The following MECR variants were observed in gnomAD, a reference collection of about 807,000 sequenced individuals.
MECR encodes enoyl-[acyl-carrier-protein] reductase, mitochondrial.
A neutral mutation model predicts 49.1 loss-of-function variants in MECR; 37 were observed. The ratio of observed to expected loss-of-function variants is 0.75; its 90% CI spans 0.58 to 0.99. The LOEUF (loss-of-function observed/expected upper bound fraction) is 0.99, where lower values mean the gene tolerates loss of function less well. Among genes scored for constraint, MECR ranks in the 50% least tolerant of loss-of-function variants. MECR has a pLI of 0.00. For synonymous variants in MECR, 198 were observed against 191.1 expected (o/e 1.04, Z -0.30); for missense variants, 470 against 479.6 (o/e 0.98, Z 0.19).
Position 29,201,601 on chromosome 1 carries a change from A to G in MECR, c.756+342T>C. 2.2e-6 allele frequency: 1 copy of G among 460,694 alleles called. No homozygotes were observed. Among genetic ancestry groups the G allele is most frequent in the East Asian group, 5.3e-5 (1 of 18,782 alleles). The allele number at this position is 460,694 out of a possible 1,614,324, so 28.5% of individuals were successfully genotyped here. A position where few individuals can be genotyped will look rare whatever the true frequency, so the allele number is the denominator to read the frequency against. The stretch of plus-strand genomic sequence containing the variant: ...GTAAGGCAGGTGGTTGGGAAAGGTT[A>G]CTTCTTTTCTTTCTCTTTCTGTGTC... On this transcript the variant is annotated intron_variant, in intron 6 of 9. Transcript: ENST00000263702. This position sits in a 1 kb window ranked among gnomAD's most constrained non-coding sequence, Gnocchi z 4.3.
At chr1:29,223,146 C>T (rs1238107333) in intron 1 of MECR, 1 of 985,436 alleles carries the variant, frequency 1.0e-6, no homozygotes, top group African/African-American at 1.7e-5. Context: ...ATACCGTTCA[C>T]GTCCTCCGTG....
chr1:29,182,315 C>G, the MECR span, among the ~76,000 whole-genome samples: 1 of 152,144 alleles, frequency 6.6e-6, no homozygotes, highest in Non-Finnish European at 1.5e-5. Context: ...TTTATCTTTT[C>G]TGTAAAAGGG....
intron 1 of MECR, among the ~76,000 whole-genome samples, chr1:29,217,833 T>C (rs1679861418): frequency 6.6e-6 from 1 of 152,210 alleles, no homozygotes; most frequent in East Asian, 1.9e-4. Flanking sequence ...GGAGATGGCC[T>C]ATGTAGTTCA....
chr1:29,179,492 T>C, the MECR span, among the ~76,000 whole-genome samples: 1 of 152,086 alleles, frequency 6.6e-6, no homozygotes, highest in Non-Finnish European at 1.5e-5. Context: ...CTGAAGTAGC[T>C]AGGACTATAG....
At chr1:29,215,350 G>A (rs1218169652) in intron 3 of MECR, among the ~76,000 whole-genome samples, 6 of 151,928 alleles carry the variant, frequency 3.9e-5, no homozygotes, top group Admixed American at 1.3e-4. Flanking sequence ...GAGGCTGAGT[G>A]GTGGGTCACC....
chr1:29,182,382 TA>T, the MECR span, among the ~76,000 whole-genome samples: 1 of 152,130 alleles, frequency 6.6e-6, no homozygotes. Flanking sequence ...AATACGTACA[TA>T]AAGCACTTAG....
chr1:29,173,130 C>CTTTTTTT, the MECR span: 30 of 78,566 alleles, frequency 3.8e-4, no homozygotes, highest in African/African-American at 6.2e-4. Flanking sequence ...GTCAAAAAGG[C>CTTTTTTT]TTTTTTTTTT....
chr1:29,174,753 A>G, the MECR span, among the ~76,000 whole-genome samples: 1 of 148,272 alleles, frequency 6.7e-6, no homozygotes, highest in Non-Finnish European at 1.5e-5. Context: ...GGCTCATTGC[A>G]ACCTCCACTT....
chr1:29,228,258 T>C (rs939106529), intron 1 of MECR, among the ~76,000 whole-genome samples: 69 of 151,514 alleles, frequency 4.6e-4, no homozygotes, highest in African/African-American at 1.5e-3. Flanking sequence ...AAAAGCTGTC[T>C]GATATTTTAT....
intron 7 of MECR, among the ~76,000 whole-genome samples, chr1:29,198,805 C>T (rs922445236): frequency 3.9e-5 from 6 of 152,140 alleles, no homozygotes; most frequent in Admixed American, 6.5e-5. Context: ...TTAGTAGAGA[C>T]GAGGTTTCAC....
At chr1:29,203,863 C>A (rs1482173446) in intron 4 of MECR, among the ~76,000 whole-genome samples, 1 of 152,230 alleles carries the variant, frequency 6.6e-6, no homozygotes, top group African/African-American at 2.4e-5. Flanking sequence ...AATGGGATTA[C>A]AGCTGCGCTG....
At chr1:29,210,101 C>T (rs1677607557) in intron 3 of MECR, among the ~76,000 whole-genome samples, 1 of 151,878 alleles carries the variant, frequency 6.6e-6, no homozygotes, top group Non-Finnish European at 1.5e-5. Context: ...AGCTCTGCCT[C>T]CAAGGCTCCC....
Position 29,201,940 on chromosome 1 carries a change from T to C in MECR, c.756+3A>G, listed in dbSNP as rs1675415935. The stretch of plus-strand genomic sequence containing the variant: ...GAGGGGCAATGTCCCTCTTCCTAGG[T>C]ACCTTAAAGAAGTTTTTCATTTCGG... On this transcript the variant is annotated splice_donor_region_variant and intron_variant, in intron 6 of 9. Coordinates refer to ENST00000263702, the MANE Select transcript of MECR (RefSeq NM_016011.5). This position sits in a 1 kb window ranked among gnomAD's most constrained non-coding sequence, Gnocchi z 4.3. 1 of 1,611,278 alleles carries C rather than the reference T, an allele frequency of 6.2e-7. No individual in the cohort carries two copies. The highest frequency in any genetic ancestry group is 8.5e-7 in the Non-Finnish European group (1 of 1,177,376).
chr1:29,177,456 T>G, the MECR span, among the ~76,000 whole-genome samples: 1 of 152,122 alleles, frequency 6.6e-6, no homozygotes. Context: ...TAACTTTGTA[T>G]TTTTAGTAGA....
At chr1:29,189,877 A>AG (rs1673087871), downstream of MECR, among the ~76,000 whole-genome samples, 1 of 152,186 alleles carries the variant, frequency 6.6e-6, no homozygotes, top group Non-Finnish European at 1.5e-5. Flanking sequence ...ATAAACTGCC[A>AG]CGATTCCCTT....
At chr1:29,176,878 A>G in the MECR span, among the ~76,000 whole-genome samples, 24 of 152,358 alleles carry the variant, frequency 1.6e-4, no homozygotes, top group East Asian at 4.4e-3. Context: ...GCAGGTTCTG[A>G]AGTTTAAATC....
At chr1:29,220,284 C>T (rs1205238404) in intron 1 of MECR, among the ~76,000 whole-genome samples, 1 of 151,552 alleles carries the variant, frequency 6.6e-6, no homozygotes, top group East Asian at 1.9e-4. Flanking sequence ...TCCTGTAGTT[C>T]CAGCTATCTG....
chr1:29,190,277 A>T (rs1387032696), downstream of MECR, among the ~76,000 whole-genome samples: 1 of 152,174 alleles, frequency 6.6e-6, no homozygotes, highest in Non-Finnish European at 1.5e-5. Flanking sequence ...CGGGAGGCTG[A>T]GGCGGGAAAA....
chr1:29,200,655 C>A, intron 6 of MECR, 66 bp from the exon 7 acceptor site: 1 of 1,413,484 alleles, frequency 7.1e-7, no homozygotes, highest in South Asian at 1.2e-5. Context: ...GAAGCTTGCC[C>A]AAGTGCTGTG....
Sources: gnomAD v4.1 joint callset for allele counts (sites outside exome capture counted in the v4.1 genomes callset) on GRCh38, gnomAD v4.1.1 for gene constraint, Gnocchi (gnomAD v3.1) non-coding constraint, MANE v1.5 for transcripts, NCBI Gene and HGNC (gene_info 2026-07-23, HGNC 2026-07-21) for gene names.